Variants in MAGI3 observed in about 807,000 individuals in gnomAD.
MAGI3 encodes membrane associated guanylate kinase, WW and PDZ domain containing 3, also known as membrane-associated guanylate kinase, WW and PDZ domain-containing protein 3.
Under a neutral mutation model 121.8 loss-of-function variants are expected in MAGI3, and 43 were observed. The ratio of observed to expected loss-of-function variants is 0.35; its 90% CI spans 0.28 to 0.46. The LOEUF is 0.46. Among genes scored for constraint, MAGI3 ranks in the 20% least tolerant of loss-of-function variants. The pLI is 1.00. For missense variants in MAGI3, 1,547 were observed against 1,797.3 expected, an observed-to-expected ratio of 0.86 and a Z score of 2.52; for synonymous variants, 553 against 639.3, an observed-to-expected ratio of 0.86 and a Z score of 2.04.
chr1:113,409,639 T>C (rs1651871987), intron 1 of MAGI3, among the ~76,000 whole-genome samples: 1 of 152,096 alleles, frequency 6.6e-6, no homozygotes, highest in Non-Finnish European at 1.5e-5. Flanking sequence ...ATTTGGTACC[T>C]TGTTACTTTT....
At chr1:113,481,679 A>G (rs1029365285) in intron 1 of MAGI3, among the ~76,000 whole-genome samples, 2 of 152,202 alleles carry the variant, frequency 1.3e-5, no homozygotes, top group African/African-American at 4.8e-5. Context: ...GATCAAAGCC[A>G]GTGTTTACCA....
chr1:113,608,827 A>G (rs1419951756), intron 6 of MAGI3, among the ~76,000 whole-genome samples: 2 of 152,336 alleles, frequency 1.3e-5, no homozygotes, highest in East Asian at 3.9e-4. Context: ...TTAAGGCTGA[A>G]CATATGTCTT....
chr1:113,569,274 G>T lies in MAGI3; in HGVS notation c.434-11268G>T, dbSNP rs564988151. Reference sequence around the variant, plus strand: ...TTTATCCTCTTTTCTGTTTGACCATGTGTTCTGTTTTAAAAATCTTTATTG... The same window carrying T: ...TTTATCCTCTTTTCTGTTTGACCATTTGTTCTGTTTTAAAAATCTTTATTG... On this transcript the variant is annotated intron_variant, in intron 2 of 20. Coordinates refer to ENST00000307546, the MANE Select transcript of MAGI3 (RefSeq NM_001142782.2). Among the ~76,000 whole-genome samples the T allele has an allele frequency of 3.3e-5, 5 of 152,190 alleles. No homozygotes were observed. The South Asian group carries it at 1.0e-3, about 32-fold the overall frequency.
intron 1 of MAGI3, among the ~76,000 whole-genome samples, chr1:113,416,082 CAT>C (rs1296714136): frequency 7.5e-5 from 11 of 145,894 alleles, no homozygotes; most frequent in African/African-American, 2.1e-4. Context: ...ATTAATGACA[CAT>C]ATTAATTATG....
Position 113,654,002 on chromosome 1 carries a change from C to T in MAGI3, c.2613C>T (p.Asn871=). Residue 871 remains asparagine, a synonymous_variant, in exon 15 of 21, where the codon AAC becomes AAT. Transcript: ENST00000307546. ...GCTTTGTCATCCTCACCTCCAAAAA[C>T]AAACCACCTCCAGGAGGTAAGGGCT... ...GFGFVILTSK[N]KPPPGVIPHK... 6.2e-7 allele frequency: 1 copy of T among 1,613,356 alleles called. No individual in the cohort carries two copies. The highest frequency in any genetic ancestry group is 8.5e-7 in the Non-Finnish European group (1 of 1,179,592).
chr1:113,570,937 T>A (rs1647261699), intron 2 of MAGI3, among the ~76,000 whole-genome samples: 1 of 152,222 alleles, frequency 6.6e-6, no homozygotes, highest in East Asian at 1.9e-4. Context: ...TTGCTATTGT[T>A]TTTGGTGTTT....
intron 1 of MAGI3, among the ~76,000 whole-genome samples, chr1:113,477,179 G>C (rs949315337): frequency 2.0e-5 from 3 of 151,870 alleles, no homozygotes; most frequent in Non-Finnish European, 2.9e-5. Context: ...ACTCTTTATC[G>C]AATTTGCCAT....
intron 1 of MAGI3, among the ~76,000 whole-genome samples, chr1:113,441,999 A>G (rs947830591): frequency 3.3e-5 from 5 of 152,188 alleles, no homozygotes; most frequent in African/African-American, 4.8e-5. Context: ...TACAAATCGA[A>G]TAATTGTTTA....
At chr1:113,540,420 TGGA>T (rs563577647) in intron 1 of MAGI3, among the ~76,000 whole-genome samples, 381 of 152,332 alleles carry the variant, frequency 2.5e-3, no homozygotes, top group African/African-American at 8.7e-3. Flanking sequence ...CTTCTTAGTG[TGGA>T]CTCCAGAGTT....
chr1:113,653,749 G>A (rs1653310537), intron 14 of MAGI3, 81 bp from the exon 15 acceptor site: 1 of 1,230,764 alleles, frequency 8.1e-7, no homozygotes, highest in South Asian at 1.7e-5. Context: ...ATTTTTCTGT[G>A]AGAGGCTTAG....
At chr1:113,549,174 G>C (rs1659660486) in intron 1 of MAGI3, among the ~76,000 whole-genome samples, 1 of 152,180 alleles carries the variant, frequency 6.6e-6, no homozygotes, top group Non-Finnish European at 1.5e-5. Context: ...ATCAAGGATG[G>C]ATACATGATA....
chr1:113,403,876 A>C (rs1651537015), intron 1 of MAGI3: 1 of 152,136 alleles, frequency 6.6e-6, no homozygotes, highest in Non-Finnish European at 1.5e-5. Flanking sequence ...AGGAAGGCAT[A>C]CTACAAGGAG....
chr1:113,641,008 T>TATG (rs1557868763), intron 9 of MAGI3, among the ~76,000 whole-genome samples: 11 of 56,672 alleles, frequency 1.9e-4, no homozygotes, highest in Non-Finnish European at 2.6e-4. Flanking sequence ...ATATATATAA[T>TATG]ATATATGATA....
intron 5 of MAGI3, among the ~76,000 whole-genome samples, chr1:113,591,176 G>A (rs1368757313): frequency 6.6e-6 from 1 of 151,872 alleles, no homozygotes; most frequent in Admixed American, 6.6e-5. Flanking sequence ...TATTTTTATG[G>A]AAAAGCACTA....
At chr1:113,464,503 G>T (rs1016392254) in intron 1 of MAGI3, among the ~76,000 whole-genome samples, 3 of 152,068 alleles carry the variant, frequency 2.0e-5, no homozygotes, top group African/African-American at 7.2e-5. Context: ...CTTTCATTTG[G>T]ATATATACCC....
chr1:113,510,963 A>G (rs1657586085), intron 1 of MAGI3, among the ~76,000 whole-genome samples: 1 of 152,198 alleles, frequency 6.6e-6, no homozygotes, highest in African/African-American at 2.4e-5. Context: ...TTAATACATT[A>G]CATTACAGTT....
intron 1 of MAGI3, among the ~76,000 whole-genome samples, chr1:113,494,764 T>C (rs1359686360): frequency 6.6e-6 from 1 of 152,232 alleles, no homozygotes; most frequent in Non-Finnish European, 1.5e-5. Context: ...TTTTCCCTTT[T>C]GAATTTTGAT....
At position 113,641,195 on chromosome 1, in the gene MAGI3, G is replaced by A. The variant is rs1293744665; in HGVS notation, c.1361-716G>A. Among the ~76,000 whole-genome samples, 7 of 144,754 alleles carry A rather than the reference G, an allele frequency of 4.8e-5. No individual in the cohort carries two copies. The Admixed American group carries it at 5.0e-4, about 10-fold the overall frequency. 95.0% of individuals were successfully genotyped at this position (144,754 alleles called of 152,430 possible). ...CTATATATATATCAGGGGTGGAGGAGGATTTCTGGCTATAGGGGCTATAGG... is the reference window on the plus strand; with the variant it reads ...CTATATATATATCAGGGGTGGAGGAAGATTTCTGGCTATAGGGGCTATAGG... On this transcript the variant is annotated intron_variant, in intron 9 of 20. Transcript: ENST00000307546.
intron 2 of MAGI3, among the ~76,000 whole-genome samples, chr1:113,550,031 G>A (rs1432633050): frequency 3.3e-5 from 5 of 150,846 alleles, no homozygotes; most frequent in Non-Finnish European, 7.4e-5. Context: ...CAGGAGAATC[G>A]CTTGAACCCA....
Sources: gnomAD v4.1 joint callset for allele counts (sites outside exome capture counted in the v4.1 genomes callset) on GRCh38, gnomAD v4.1.1 for gene constraint, MANE v1.5 for transcripts, NCBI Gene and HGNC (gene_info 2026-07-23, HGNC 2026-07-21) for gene names.